MARK2: variants seen among roughly 807,000 people sequenced by gnomAD.
MARK2 encodes the protein microtubule affinity regulating kinase 2.
A neutral mutation model predicts 89.8 loss-of-function variants in MARK2; 16 were observed. The observed-to-expected ratio is 0.18, with a 90% CI of 0.12 to 0.27. The LOEUF is 0.27. MARK2 is among the 10% of genes least tolerant of loss of function. The pLI is 1.00. For synonymous variants in MARK2, 382 were observed against 399.5 expected (o/e 0.96, Z 0.52); for missense variants, 621 against 1,049.9 (o/e 0.59, Z 5.65).
In MARK2 at chr11:63,910,287, C is replaced by T. The variant is rs1416019762; in HGVS notation, c.*1050C>T. The T allele has an allele frequency of 6.6e-6, 1 of 152,452 alleles. No individual in the cohort carries two copies. Among genetic ancestry groups the T allele is most frequent in the Admixed American group, 6.5e-5 (1 of 15,290 alleles). The allele number at this position is 152,452 out of a possible 1,614,324, so 9.4% of individuals were successfully genotyped here. On this transcript the variant is annotated 3_prime_UTR_variant, in exon 19 of 19. Transcript: ENST00000402010. Reference sequence around the variant, plus strand: ...CTCTCTCCATAGCAGTGACTTCCCTCACCACTCTCATCTCTCAGCCTTGCC... The same window carrying T: ...CTCTCTCCATAGCAGTGACTTCCCTTACCACTCTCATCTCTCAGCCTTGCC...
At position 63,903,456 on chromosome 11, in the gene MARK2, G is replaced by A; in HGVS notation, c.1514+298G>A. ...ATGGCAGCTGCCCTCCTCTAGACAT[G>A]AGCAGCTAAGGCCTTGTGTTGGGGG... On this transcript the variant is annotated intron_variant, in intron 14 of 18. Coordinates refer to ENST00000402010, the MANE Select transcript of MARK2 (RefSeq NM_001039469.3). The surrounding 1 kb of genome is among the most constrained non-coding windows in gnomAD (Gnocchi z 5.1). 1 of 436,714 alleles carries A rather than the reference G, an allele frequency of 2.3e-6. No homozygotes were observed. The highest frequency in any genetic ancestry group is 2.2e-5 in the South Asian group (1 of 45,858). 27.1% of individuals were successfully genotyped at this position (436,714 alleles called of 1,614,324 possible).
chr11:63,885,494 G>C (rs1240605570), intron 1 of MARK2, among the ~76,000 whole-genome samples: 1 of 151,888 alleles, frequency 6.6e-6, no homozygotes, highest in Admixed American at 6.6e-5. Flanking sequence ...AGCCAAGATC[G>C]TGCTGCTGCA....
chr11:63,870,423 A>G (rs530413892), intron 1 of MARK2, among the ~76,000 whole-genome samples: 18 of 152,196 alleles, frequency 1.2e-4, no homozygotes, highest in African/African-American at 4.1e-4. Context: ...CCCAGGCTAA[A>G]AGGGGTCACA....
At position 63,904,308 on chromosome 11, in the gene MARK2, A is replaced by G. The variant is rs1453739781; in HGVS notation, c.1676+161A>G. On this transcript the variant is annotated intron_variant, in intron 15 of 18. Transcript: ENST00000402010. The surrounding 1 kb of genome is among the most constrained non-coding windows in gnomAD (Gnocchi z 6.3). Reference sequence around the variant, plus strand: ...TGCGGCCAGGAAGTGGAGGGAACAAAAAAGAGCATTAATGCCCCTCTTTTC... The same window carrying G: ...TGCGGCCAGGAAGTGGAGGGAACAAGAAAGAGCATTAATGCCCCTCTTTTC... Among the ~76,000 whole-genome samples the G allele has an allele frequency of 6.6e-6, 1 of 152,166 alleles. No homozygotes were observed. Among genetic ancestry groups the G allele is most frequent in the African/African-American group, 2.4e-5 (1 of 41,430 alleles).
intron 1 of MARK2, among the ~76,000 whole-genome samples, chr11:63,857,847 T>G (rs1307767251): frequency 6.6e-6 from 1 of 152,086 alleles, no homozygotes; most frequent in African/African-American, 2.4e-5. Context: ...TTTTTTTTTA[T>G]TTTTTTATTT....
chr11:63,846,449 G>A lies in MARK2; in HGVS notation c.54+6889G>A, dbSNP rs576397234. On this transcript the variant is annotated intron_variant, in intron 1 of 18. Transcript: ENST00000402010. ...CAGCTCACTGCAACCTCCGCCTCCC[G>A]GATTCAAGTGATTCTCCTGTCTCAG... 9.9e-5 allele frequency among the ~76,000 whole-genome samples: 15 copies of A among 150,834 alleles called. No homozygotes were observed. The South Asian group carries it at 2.1e-3, about 21-fold the overall frequency.
At position 63,903,708 on chromosome 11, in the gene MARK2, A is replaced by T. The variant is rs1190066643; in HGVS notation, c.1515-278A>T. ...CTGTTCTTAAAATTCTTAGGAGGCC[A>T]GTGCAGCCTGGAGGCAGCGGCCCCT... On this transcript the variant is annotated intron_variant, in intron 14 of 18. Coordinates refer to ENST00000402010, the MANE Select transcript of MARK2 (RefSeq NM_001039469.3). This position sits in a 1 kb window ranked among gnomAD's most constrained non-coding sequence, Gnocchi z 5.1. Among the ~76,000 whole-genome samples the T allele has an allele frequency of 6.6e-6, 1 of 152,184 alleles. No individual in the cohort carries two copies. Among genetic ancestry groups the T allele is most frequent in the Non-Finnish European group, 1.5e-5 (1 of 68,020 alleles).
chr11:63,891,488 GGGAT>G (rs1462909881), intron 1 of MARK2, among the ~76,000 whole-genome samples: 6 of 152,230 alleles, frequency 3.9e-5, no homozygotes, highest in Non-Finnish European at 8.8e-5. Context: ...TTCACCAAGA[GGGAT>G]GGGCAGAGCA....
chr11:63,842,844 CTCT>C (rs1261633208), intron 1 of MARK2, among the ~76,000 whole-genome samples: 1 of 152,116 alleles, frequency 6.6e-6, no homozygotes, highest in Non-Finnish European at 1.5e-5. Flanking sequence ...CTTCCTCTCC[CTCT>C]TCTTTAAAAA....
chr11:63,872,777 T>C (rs2135268011), intron 1 of MARK2, among the ~76,000 whole-genome samples: 1 of 152,238 alleles, frequency 6.6e-6, no homozygotes, highest in African/African-American at 2.4e-5. Flanking sequence ...AGATTGGAGC[T>C]CCTGCAACGG....
intron 18 of MARK2, 129 bp from the exon 19 acceptor site, chr11:63,908,748 G>C (rs1438437202): frequency 1.1e-6 from 1 of 926,388 alleles, no homozygotes; most frequent in East Asian, 2.9e-5. Flanking sequence ...CGCAGGCCAG[G>C]GGCCACGCCT....
intron 6 of MARK2, 97 bp from the exon 7 acceptor site, chr11:63,898,955 G>T: frequency 8.2e-7 from 1 of 1,222,220 alleles, no homozygotes. Flanking sequence ...GCTTATCCGT[G>T]TGGCAGGTTA....
chr11:63,901,422 G>GGTATGTGTGTGTGT (rs1940856120), intron 11 of MARK2, among the ~76,000 whole-genome samples: 1 of 139,590 alleles, frequency 7.2e-6, no homozygotes, highest in Admixed American at 7.5e-5. Context: ...TACATTTCTG[G>GGTATGTGTGTGTGT]GTGTGTGTGT....
intron 1 of MARK2, among the ~76,000 whole-genome samples, chr11:63,875,198 A>G (rs1591026007): frequency 7.1e-6 from 1 of 140,478 alleles, no homozygotes; most frequent in South Asian, 2.2e-4. Flanking sequence ...TCGGCTCACT[A>G]CAGCCTCAGC....
intron 1 of MARK2, among the ~76,000 whole-genome samples, chr11:63,861,811 G>A (rs960977083): frequency 6.9e-6 from 1 of 144,836 alleles, no homozygotes; most frequent in East Asian, 2.1e-4. Context: ...GCACGACCTT[G>A]GCTCACTGCA....
At chr11:63,908,602 GGA>G (rs1032679325) in intron 18 of MARK2, among the ~76,000 whole-genome samples, 3 of 152,158 alleles carry the variant, frequency 2.0e-5, no homozygotes, top group African/African-American at 4.8e-5. Flanking sequence ...GCTTCTTTCT[GGA>G]GAGAGAGTCT....
chr11:63,873,074 T>G (rs969726314), intron 1 of MARK2, among the ~76,000 whole-genome samples: 1 of 151,896 alleles, frequency 6.6e-6, no homozygotes, highest in Non-Finnish European at 1.5e-5. Flanking sequence ...GTGTGTGCAC[T>G]CATTCTGCTG....
chr11:63,875,818 G>GGAGCTGGAAGTGTGGCT (rs1938718652), intron 1 of MARK2, among the ~76,000 whole-genome samples: 1 of 152,218 alleles, frequency 6.6e-6, no homozygotes, highest in African/African-American at 2.4e-5. Context: ...GACACACTCA[G>GGAGCTGGAAGTGTGGCT]GAGCTGGAAG....
chr11:63,889,877 G>A (rs1400007569), intron 1 of MARK2, among the ~76,000 whole-genome samples: 1 of 152,232 alleles, frequency 6.6e-6, no homozygotes, highest in East Asian at 1.9e-4. Flanking sequence ...ATAGGCCAGA[G>A]CTTTGGGAGT....
Sources: allele counts gnomAD v4.1 joint callset (sites outside exome capture counted in the v4.1 genomes callset), GRCh38; gene constraint gnomAD v4.1.1; non-coding constraint Gnocchi (gnomAD v3.1); transcripts MANE v1.5; gene names NCBI Gene and HGNC (gene_info 2026-07-23, HGNC 2026-07-21).